Variants in IGF1R observed in about 807,000 individuals in gnomAD.
The protein encoded by IGF1R is insulin like growth factor 1 receptor, also known as insulin-like growth factor 1 receptor.
A neutral mutation model predicts 144.6 loss-of-function variants in IGF1R; 44 were observed. That is an observed-to-expected ratio of 0.30 (90% CI 0.24 to 0.39). The LOEUF (loss-of-function observed/expected upper bound fraction) is 0.39. Ranked by LOEUF, IGF1R falls within the 10% of genes least tolerant of loss-of-function variation. The pLI, the probability that IGF1R is intolerant of heterozygous loss-of-function variation, is 1.00. For missense variants in IGF1R, 1,355 were observed against 1,833.7 expected, an observed-to-expected ratio of 0.74 and a Z score of 4.77; for synonymous variants, 795 against 722.8, an observed-to-expected ratio of 1.10 and a Z score of -1.60.
At chr15:98,948,048 G>A (rs1567217107) in intron 19 of IGF1R, among the ~76,000 whole-genome samples, 1 of 152,172 alleles carries the variant, frequency 6.6e-6, no homozygotes, top group Admixed American at 6.5e-5. Context: ...TGTGCAGCCG[G>A]CAGTGAGAAC....
At chr15:98,953,293 A>G (rs909084760) in intron 20 of IGF1R, among the ~76,000 whole-genome samples, 4 of 152,194 alleles carry the variant, frequency 2.6e-5, no homozygotes, top group African/African-American at 9.7e-5. Flanking sequence ...GTGGTCCCCA[A>G]GCCACAAGGT....
At chr15:98,929,685 A>T (rs2015865895) in intron 14 of IGF1R, 25 bp downstream of exon 14, 1 of 1,454,098 alleles carries the variant, frequency 6.9e-7, no homozygotes, top group Non-Finnish European at 9.7e-7. Context: ...AAGTTATGAC[A>T]CTTTCTGTGG....
intron 2 of IGF1R, among the ~76,000 whole-genome samples, chr15:98,888,572 A>T (rs2013756366): frequency 6.6e-6 from 1 of 152,142 alleles, no homozygotes; most frequent in South Asian, 2.1e-4. Flanking sequence ...GAACTCATAA[A>T]ATGCATACTT....
intron 13 of IGF1R, among the ~76,000 whole-genome samples, chr15:98,925,852 C>G (rs1003615485): frequency 6.6e-6 from 1 of 151,938 alleles, no homozygotes; most frequent in Non-Finnish European, 1.5e-5. Flanking sequence ...TGCAGTGAGC[C>G]AAGATATGTC....
chr15:98,655,867 G>A (rs1053889500), intron 1 of IGF1R, among the ~76,000 whole-genome samples: 1 of 152,016 alleles, frequency 6.6e-6, no homozygotes, highest in Non-Finnish European at 1.5e-5. Context: ...CACCATGCCT[G>A]GCTAATTTTT....
Position 98,817,304 on chromosome 15 carries a change from AAATAATAATAATAATAAT to A in IGF1R, c.641-74001_641-73984del, listed in dbSNP as rs57196850. ...GCAGCAGAGCGAGAATCTGTCTCAA[AAATAATAATAATAATAAT>A]AATAATAATAATAATAATAGTAAGA... On this transcript the variant is annotated intron_variant, in intron 2 of 20. Transcript: ENST00000650285. 9.1e-4 allele frequency among the ~76,000 whole-genome samples: 133 copies of A among 146,338 alleles called. 1 individual carries two copies. The highest frequency in any genetic ancestry group is 7.3e-4 in the African/African-American group (29 of 39,828).
intron 5 of IGF1R, among the ~76,000 whole-genome samples, chr15:98,905,154 GTCTTCACC>G (rs1295168952): frequency 6.6e-6 from 1 of 152,164 alleles, no homozygotes; most frequent in African/African-American, 2.4e-5. Flanking sequence ...ACCTGGGGCT[GTCTTCACC>G]ACTCAAATAT....
intron 2 of IGF1R, among the ~76,000 whole-genome samples, chr15:98,747,753 T>A (rs1280593533): frequency 6.6e-6 from 1 of 152,226 alleles, no homozygotes; most frequent in Non-Finnish European, 1.5e-5. Flanking sequence ...TCTATAAAGT[T>A]CTGCTGTATT....
Position 98,878,226 on chromosome 15 carries a change from G to A in IGF1R, c.641-13099G>A, listed in dbSNP as rs546474821. On this transcript the variant is annotated intron_variant, in intron 2 of 20. Coordinates refer to ENST00000650285, the MANE Select transcript of IGF1R (RefSeq NM_000875.5). Reference sequence around the variant, plus strand: ...GCTTGGCCTCCACTTGGTCAAAACAGTCCCCAGTTTGTCCCTACGGGACAC... The same window carrying A: ...GCTTGGCCTCCACTTGGTCAAAACAATCCCCAGTTTGTCCCTACGGGACAC... Among the ~76,000 whole-genome samples the A allele has an allele frequency of 9.2e-5, 14 of 152,298 alleles. No individual in the cohort carries two copies. In the South Asian group the frequency reaches 2.5e-3, roughly 27 times the overall value.
In IGF1R at chr15:98,879,683, A is replaced by C. The variant is rs185963685; in HGVS notation, c.641-11642A>C. 8.0e-4 allele frequency among the ~76,000 whole-genome samples: 121 copies of C among 152,164 alleles called. 1 individual carries two copies. Among genetic ancestry groups the C allele is most frequent in the Non-Finnish European group, 1.4e-3 (92 of 68,006 alleles). On this transcript the variant is annotated intron_variant, in intron 2 of 20. Transcript: ENST00000650285. ...GGTCCAGATGGGCCTCTCTCCACCA[A>C]CCTGTGACCAGTGTACCTGTGATTT...
At chr15:98,878,499 AAAG>A (rs1273853931) in intron 2 of IGF1R, among the ~76,000 whole-genome samples, 6 of 152,146 alleles carry the variant, frequency 3.9e-5, no homozygotes, top group Admixed American at 3.9e-4. Flanking sequence ...AAGTGTGTGA[AAAG>A]AATATTTTTT....
intron 1 of IGF1R, among the ~76,000 whole-genome samples, chr15:98,665,298 TG>T (rs1795331254): frequency 6.6e-6 from 1 of 152,168 alleles, no homozygotes; most frequent in Non-Finnish European, 1.5e-5. Context: ...AGCGCTCCAC[TG>T]GGGATAGCAG....
chr15:98,959,376 C>A lies in IGF1R; in HGVS notation c.*1934C>A, dbSNP rs1269316405. The A allele has an allele frequency of 1.3e-5, 3 of 233,800 alleles. No homozygotes were observed. The highest frequency in any genetic ancestry group is 1.2e-4 in the East Asian group (2 of 16,594). 14.5% of individuals were successfully genotyped at this position (233,800 alleles called of 1,614,324 possible). A position where few individuals can be genotyped will look rare whatever the true frequency, so the allele number is the denominator to read the frequency against. ...GGCCTGTTGTGGCCCTCGCCACCCC[C>A]CTCACCGGACCGACTGACCTGTCTT... On this transcript the variant is annotated 3_prime_UTR_variant, in exon 21 of 21. Coordinates refer to ENST00000650285, the MANE Select transcript of IGF1R (RefSeq NM_000875.5).
At chr15:98,937,125 A>G (rs1350731570) in intron 17 of IGF1R, among the ~76,000 whole-genome samples, 1 of 152,132 alleles carries the variant, frequency 6.6e-6, no homozygotes, top group African/African-American at 2.4e-5. Context: ...ACCTCAGGTG[A>G]TCCACCCACC....
At chr15:98,837,648 A>G (rs931831771) in intron 2 of IGF1R, among the ~76,000 whole-genome samples, 4 of 152,092 alleles carry the variant, frequency 2.6e-5, no homozygotes, top group African/African-American at 9.7e-5. Flanking sequence ...TTCTCATCAC[A>G]TTGTCACTCA....
chr15:98,729,558 A>G (rs886319200), intron 2 of IGF1R, among the ~76,000 whole-genome samples: 1 of 99,700 alleles, frequency 1.0e-5, no homozygotes, highest in Admixed American at 1.2e-4. Context: ...AAAAACCCTA[A>G]TGTGCTTTTT....
chr15:98,707,435 A>C lies in IGF1R; in HGVS notation c.95-127A>C. On this transcript the variant is annotated intron_variant, in intron 1 of 20. Transcript: ENST00000650285. The surrounding 1 kb of genome is among the most constrained non-coding windows in gnomAD (Gnocchi z 6.7). Reference sequence around the variant, plus strand: ...GTCTGCAACCCACAGCTCTGCAGTGAACAATTGAACCTCATTTCTTTAATA... The same window carrying C: ...GTCTGCAACCCACAGCTCTGCAGTGCACAATTGAACCTCATTTCTTTAATA... 1.0e-6 allele frequency: 1 copy of C among 998,802 alleles called. No individual in the cohort carries two copies. Among genetic ancestry groups the C allele is most frequent in the East Asian group, 2.6e-5 (1 of 38,436 alleles). 61.9% of individuals were successfully genotyped at this position (998,802 alleles called of 1,614,324 possible). A position where few individuals can be genotyped will look rare whatever the true frequency, so the allele number is the denominator to read the frequency against.
chr15:98,797,830 A>C (rs1020083395), intron 2 of IGF1R, among the ~76,000 whole-genome samples: 1 of 152,160 alleles, frequency 6.6e-6, no homozygotes, highest in African/African-American at 2.4e-5. Flanking sequence ...ACAACAAACA[A>C]GTAGACAGAA....
At chr15:98,940,190 A>T (rs1567212476) in intron 18 of IGF1R, among the ~76,000 whole-genome samples, 1 of 152,310 alleles carries the variant, frequency 6.6e-6, no homozygotes, top group East Asian at 1.9e-4. Context: ...TGATACAATG[A>T]TAGTTTAGAA....
Sources: gnomAD v4.1 joint callset for allele counts (sites outside exome capture counted in the v4.1 genomes callset) on GRCh38, gnomAD v4.1.1 for gene constraint, Gnocchi (gnomAD v3.1) non-coding constraint, MANE v1.5 for transcripts, NCBI Gene and HGNC (gene_info 2026-07-23, HGNC 2026-07-21) for gene names.